Variants in PCDHGA3 observed in about 807,000 individuals in gnomAD.
The protein encoded by PCDHGA3 is protocadherin gamma-A3.
Under a neutral mutation model 58.5 loss-of-function variants are expected in PCDHGA3, and 40 were observed. The ratio of observed to expected loss-of-function variants is 0.68; its 90% CI spans 0.53 to 0.89. PCDHGA3 has a LOEUF of 0.89. PCDHGA3 is among the 40% of genes least tolerant of loss of function. The pLI, the probability that PCDHGA3 is intolerant of heterozygous loss-of-function variation, is 0.00. For missense variants in PCDHGA3, 1,223 were observed against 1,195.9 expected (o/e 1.02, Z -0.33); for synonymous variants, 530 against 525.7 (o/e 1.01, Z -0.11).
At chr5:141,370,362 C>T (rs1766839959) in intron 1 of PCDHGA3, 3 of 1,517,790 alleles carry the variant, frequency 2.0e-6, no homozygotes, top group Non-Finnish European at 2.6e-6. Context: ...CTCCTCTCCT[C>T]GGATTTAGAA....
At chr5:141,413,622 T>C (rs1561743710) in intron 1 of PCDHGA3, 2 of 1,613,760 alleles carry the variant, frequency 1.2e-6, no homozygotes, top group Non-Finnish European at 1.7e-6. Flanking sequence ...TTAATGAAAA[T>C]GTCGCTGCGG....
intron 1 of PCDHGA3, among the ~76,000 whole-genome samples, chr5:141,347,534 C>A (rs1461932058): frequency 1.3e-5 from 2 of 152,028 alleles, no homozygotes; most frequent in Non-Finnish European, 2.9e-5. Flanking sequence ...ATGCTGTAAT[C>A]CCAGCACTTT....
chr5:141,441,370 C>A (rs1378574921), intron 1 of PCDHGA3: 1 of 152,672 alleles, frequency 6.5e-6, no homozygotes, highest in African/African-American at 2.4e-5. Flanking sequence ...GGGCCGTGGA[C>A]CAGGAACAGA....
chr5:141,437,693 C>G (rs1305650032), intron 1 of PCDHGA3, among the ~76,000 whole-genome samples: 1 of 151,638 alleles, frequency 6.6e-6, no homozygotes, highest in African/African-American at 2.4e-5. Context: ...GAGGCTAAAT[C>G]TCAAGAAAGA....
At chr5:141,420,160 T>G in intron 1 of PCDHGA3, 1 of 1,614,044 alleles carries the variant, frequency 6.2e-7, no homozygotes, top group Non-Finnish European at 8.5e-7. Flanking sequence ...AATTTAATTT[T>G]TTCACATCTG....
chr5:141,495,603 C>T (rs2099762369), intron 2 of PCDHGA3, among the ~76,000 whole-genome samples: 1 of 152,238 alleles, frequency 6.6e-6, no homozygotes, highest in Non-Finnish European at 1.5e-5. Flanking sequence ...TAGCTTCCGT[C>T]TTGATTGCTG....
chr5:141,363,768 C>T (rs944933090), intron 1 of PCDHGA3, among the ~76,000 whole-genome samples: 2 of 152,094 alleles, frequency 1.3e-5, no homozygotes, highest in African/African-American at 2.4e-5. Flanking sequence ...CAAATAAGCA[C>T]GTTTTCCTAA....
Position 141,491,889 on chromosome 5 carries a change from C to T in PCDHGA3, c.2425-2918C>T, listed in dbSNP as rs2099734763. On this transcript the variant is annotated intron_variant, in intron 1 of 3. Transcript: ENST00000253812. The surrounding 1 kb of genome is among the most constrained non-coding windows in gnomAD (Gnocchi z 6.9). ...GAGTGGCCGATTAAGGGATGGGGCT[C>T]CGAGCACCGGGGGTGGTGGCGACTG... 11 of 1,441,360 alleles carry T rather than the reference C, an allele frequency of 7.6e-6. No individual in the cohort carries two copies. Among genetic ancestry groups the T allele is most frequent in the Non-Finnish European group, 1.0e-5 (11 of 1,090,600 alleles). 89.3% of individuals were successfully genotyped at this position (1,441,360 alleles called of 1,614,324 possible).
intron 3 of PCDHGA3, among the ~76,000 whole-genome samples, chr5:141,505,698 G>A (rs1041309644): frequency 2.0e-5 from 3 of 152,280 alleles, no homozygotes; most frequent in Admixed American, 6.5e-5. Context: ...GGAGGAGAGC[G>A]AACAAGGAAA....
At chr5:141,418,479 C>G (rs375821205) in intron 1 of PCDHGA3, 3 of 1,614,010 alleles carry the variant, frequency 1.9e-6, no homozygotes, top group Non-Finnish European at 1.7e-6. Context: ...ACGCAGAGCG[C>G]TCACCACTTG....
intron 1 of PCDHGA3, among the ~76,000 whole-genome samples, chr5:141,456,935 C>T (rs894385178): frequency 5.9e-5 from 9 of 152,178 alleles, no homozygotes; most frequent in African/African-American, 2.2e-4. Context: ...TGCACTCCAG[C>T]CTGGGCAACA....
chr5:141,485,344 C>G lies in PCDHGA3; in HGVS notation c.2425-9463C>G. On this transcript the variant is annotated intron_variant, in intron 1 of 3. Coordinates refer to ENST00000253812, the MANE Select transcript of PCDHGA3 (RefSeq NM_018916.4). This position sits in a 1 kb window ranked among gnomAD's most constrained non-coding sequence, Gnocchi z 5.7. ...CTCAAGATTTCCTGCTGGATACGGA[C>G]AGTCTGTCAGCTCGCAGGCTGCAGG... 6.2e-7 allele frequency: 1 copy of G among 1,614,116 alleles called. No individual in the cohort carries two copies. The highest frequency in any genetic ancestry group is 8.5e-7 in the Non-Finnish European group (1 of 1,180,004).
At position 141,366,595 on chromosome 5, in the gene PCDHGA3, C is replaced by G. The variant is rs373756207; in HGVS notation, c.2424+20138C>G. 4.3e-6 allele frequency: 7 copies of G among 1,614,146 alleles called. No individual in the cohort carries two copies. The Admixed American group carries it at 8.3e-5, about 19-fold the overall frequency. On this transcript the variant is annotated intron_variant, in intron 1 of 3. Coordinates refer to ENST00000253812, the MANE Select transcript of PCDHGA3 (RefSeq NM_018916.4). ...GGGCTTTCCTGCAGACCTATTCCCA[C>G]GAGGTCTCCCTCACCGCGGACTCGA...
intron 1 of PCDHGA3, among the ~76,000 whole-genome samples, chr5:141,386,342 A>C (rs1000567568): frequency 2.0e-5 from 3 of 152,226 alleles, no homozygotes; most frequent in Non-Finnish European, 2.9e-5. Context: ...GGGGTGGATG[A>C]CAAGGTAATC....
At chr5:141,509,334 G>A (rs1184232270) in intron 3 of PCDHGA3, among the ~76,000 whole-genome samples, 1 of 152,186 alleles carries the variant, frequency 6.6e-6, no homozygotes, top group Non-Finnish European at 1.5e-5. Flanking sequence ...ACTGCCAGCT[G>A]GGCCTGGGCT....
Position 141,393,949 on chromosome 5 carries a change from A to G in PCDHGA3, c.2424+47492A>G, listed in dbSNP as rs370166968. 2.5e-6 allele frequency: 4 copies of G among 1,613,874 alleles called. No individual in the cohort carries two copies. The highest frequency in any genetic ancestry group is 3.4e-6 in the Non-Finnish European group (4 of 1,179,890). Reference sequence around the variant, plus strand: ...GTGCATGACCAAGACTCTGGAAAGAATGGTCAAGTTGTCTGTTACACACGT... The same window carrying G: ...GTGCATGACCAAGACTCTGGAAAGAGTGGTCAAGTTGTCTGTTACACACGT... On this transcript the variant is annotated intron_variant, in intron 1 of 3. Coordinates refer to ENST00000253812, the MANE Select transcript of PCDHGA3 (RefSeq NM_018916.4).
chr5:141,375,579 C>T (rs754106042), intron 1 of PCDHGA3: 6 of 1,613,996 alleles, frequency 3.7e-6, no homozygotes, highest in African/African-American at 2.7e-5. Context: ...CTCCAGGGGG[C>T]GCCCCTGTCC....
chr5:141,492,078 C>T (rs948391194), intron 1 of PCDHGA3: 4 of 483,290 alleles, frequency 8.3e-6, no homozygotes, highest in African/African-American at 2.0e-5. Flanking sequence ...GCGCCGGCTC[C>T]GGCACGCTTC....
At chr5:141,448,185 G>A (rs2098572532) in intron 1 of PCDHGA3, among the ~76,000 whole-genome samples, 1 of 152,020 alleles carries the variant, frequency 6.6e-6, no homozygotes, top group Non-Finnish European at 1.5e-5. Flanking sequence ...CCCTGGTTAT[G>A]TACACTTACA....
Sources: allele counts gnomAD v4.1 joint callset (sites outside exome capture counted in the v4.1 genomes callset), GRCh38; gene constraint gnomAD v4.1.1; non-coding constraint Gnocchi (gnomAD v3.1); transcripts MANE v1.5; gene names NCBI Gene and HGNC (gene_info 2026-07-23, HGNC 2026-07-21).